Variants in PJA2 observed in about 807,000 individuals in gnomAD.
The protein encoded by PJA2 is praja ring finger ubiquitin ligase 2.
A neutral mutation model predicts 69.3 loss-of-function variants in PJA2; 25 were observed. The ratio of observed to expected loss-of-function variants is 0.36; its 90% CI spans 0.26 to 0.50. The LOEUF is 0.50. Among genes scored for constraint, PJA2 ranks in the 20% least tolerant of loss-of-function variants. The pLI is 0.96. For synonymous variants in PJA2, 308 were observed against 277.8 expected (o/e 1.11, Z -1.08); for missense variants, 809 against 830.2 (o/e 0.97, Z 0.31).
At chr5:109,342,522 TG>T (rs751889054) in intron 9 of PJA2, among the ~76,000 whole-genome samples, 1 of 52,592 alleles carries the variant, frequency 1.9e-5, no homozygotes, top group South Asian at 5.8e-4. Flanking sequence ...GGGAGGGAGG[TG>T]GGGGGGGTCA....
At chr5:109,340,992 A>G (rs1482813562) in intron 9 of PJA2, among the ~76,000 whole-genome samples, 1 of 140,076 alleles carries the variant, frequency 7.1e-6, no homozygotes, top group Non-Finnish European at 1.6e-5. Flanking sequence ...GCTCACTACA[A>G]CCTACACCTC....
At chr5:109,366,004 A>C (rs1027701960) in intron 5 of PJA2, among the ~76,000 whole-genome samples, 1 of 152,192 alleles carries the variant, frequency 6.6e-6, no homozygotes, top group Non-Finnish European at 1.5e-5. Context: ...TTGAAAATGT[A>C]CTAATTTATT....
chr5:109,394,834 T>G (rs1431666265), intron 1 of PJA2, among the ~76,000 whole-genome samples: 1 of 152,196 alleles, frequency 6.6e-6, no homozygotes, highest in Non-Finnish European at 1.5e-5. Flanking sequence ...AATTTCTGTT[T>G]CTAACAGTAT....
chr5:109,383,562 A>G (rs1385928036), intron 1 of PJA2, 42 bp from the exon 2 acceptor site: 15 of 700,290 alleles, frequency 2.1e-5, no homozygotes, highest in Non-Finnish European at 2.8e-5. Context: ...TAATAAAAGC[A>G]CAAAAATAGC....
At chr5:109,377,187 C>T (rs1030383118) in intron 4 of PJA2, among the ~76,000 whole-genome samples, 6 of 151,710 alleles carry the variant, frequency 4.0e-5, no homozygotes, top group African/African-American at 1.5e-4. Flanking sequence ...TTCATATGTC[C>T]AAAGAAAATC....
chr5:109,395,788 C>T (rs1401355369), intron 1 of PJA2, among the ~76,000 whole-genome samples: 1 of 152,064 alleles, frequency 6.6e-6, no homozygotes, highest in Non-Finnish European at 1.5e-5. Flanking sequence ...CACATGAGGT[C>T]AGGAGTTCAA....
At position 109,348,135 on chromosome 5, in the gene PJA2, A is replaced by C. The variant is rs189705555; in HGVS notation, c.1765-3316T>G. Among the ~76,000 whole-genome samples the C allele has an allele frequency of 5.9e-5, 9 of 152,310 alleles. No homozygotes were observed. The East Asian group carries it at 1.5e-3, about 26-fold the overall frequency. ...TTGACAGTGATGAAGATCCAACTGA[A>C]GCATGTGTCTTGAAAGCCCAGATAG... On this transcript the variant is annotated intron_variant, in intron 7 of 9. Transcript: ENST00000361189.
intron 1 of PJA2, among the ~76,000 whole-genome samples, chr5:109,405,666 T>C (rs977682631): frequency 1.3e-5 from 2 of 152,190 alleles, no homozygotes; most frequent in Admixed American, 6.5e-5. Context: ...CAAATGGTGC[T>C]AGAACTACAT....
intron 9 of PJA2, among the ~76,000 whole-genome samples, chr5:109,342,128 GC>G (rs1762078957): frequency 8.2e-6 from 1 of 121,648 alleles, no homozygotes; most frequent in Non-Finnish European, 1.8e-5. Flanking sequence ...CCGGCCAGCC[GC>G]CCCGTCCGGG....
intron 1 of PJA2, among the ~76,000 whole-genome samples, chr5:109,401,389 G>A (rs1377459896): frequency 1.6e-4 from 24 of 152,084 alleles, no homozygotes; most frequent in Non-Finnish European, 1.5e-5. Flanking sequence ...GAGTCTAGAA[G>A]CTCAAGGCTA....
intron 8 of PJA2, among the ~76,000 whole-genome samples, 168 bp downstream of exon 8, chr5:109,344,537 A>G (rs1762142178): frequency 6.6e-6 from 1 of 152,254 alleles, no homozygotes. Flanking sequence ...TATCGCTTGA[A>G]AATTAAAAAT....
At chr5:109,408,493 G>A (rs1747746621) in intron 1 of PJA2, among the ~76,000 whole-genome samples, 1 of 152,004 alleles carries the variant, frequency 6.6e-6, no homozygotes, top group Non-Finnish European at 1.5e-5. Flanking sequence ...AAGTCAATAA[G>A]CAAGCGGTAT....
chr5:109,381,259 G>A (rs554584391), intron 3 of PJA2, among the ~76,000 whole-genome samples: 18 of 152,156 alleles, frequency 1.2e-4, no homozygotes, highest in African/African-American at 3.1e-4. Context: ...TTATGACAAC[G>A]TAATCACTAC....
chr5:109,342,177 G>A (rs1457075326), intron 9 of PJA2, among the ~76,000 whole-genome samples: 117 of 80,712 alleles, frequency 1.4e-3, no homozygotes, highest in African/African-American at 2.3e-3. Flanking sequence ...CCGGCCAGCC[G>A]CCCCGTCCGG....
chr5:109,379,953 T>C (rs1260905448), intron 3 of PJA2, among the ~76,000 whole-genome samples: 1 of 151,948 alleles, frequency 6.6e-6, no homozygotes, highest in Non-Finnish European at 1.5e-5. Context: ...CATAACTATC[T>C]TGCATCACCA....
At chr5:109,399,009 C>T (rs1174076111) in intron 1 of PJA2, among the ~76,000 whole-genome samples, 1 of 151,902 alleles carries the variant, frequency 6.6e-6, no homozygotes, top group African/African-American at 2.4e-5. Context: ...GTCAGGAGTT[C>T]GAGACCAGCC....
At chr5:109,382,500 G>A (rs1747073152) in intron 2 of PJA2, among the ~76,000 whole-genome samples, 1 of 152,108 alleles carries the variant, frequency 6.6e-6, no homozygotes, top group African/African-American at 2.4e-5. Context: ...TACATTACAT[G>A]TACTACACAG....
chr5:109,348,152 C>T lies in PJA2; in HGVS notation c.1765-3333G>A, dbSNP rs532496504. On this transcript the variant is annotated intron_variant, in intron 7 of 9. Coordinates refer to ENST00000361189, the MANE Select transcript of PJA2 (RefSeq NM_014819.5). ...CCAACTGAAGCATGTGTCTTGAAAG[C>T]CCAGATAGCTCCTATACTTGATCTT... is the stretch of plus-strand genomic sequence containing the variant. Among the ~76,000 whole-genome samples the T allele has an allele frequency of 3.2e-4, 49 of 152,246 alleles. 2 individuals are homozygous for T. The South Asian group carries it at 9.7e-3, about 30-fold the overall frequency.
At chr5:109,345,771 C>T (rs1444275179) in intron 7 of PJA2, among the ~76,000 whole-genome samples, 1 of 152,128 alleles carries the variant, frequency 6.6e-6, no homozygotes, top group Non-Finnish European at 1.5e-5. Flanking sequence ...ATTTGGCGCA[C>T]CCACATTACC....
Sources: allele counts gnomAD v4.1 joint callset (sites outside exome capture counted in the v4.1 genomes callset), GRCh38; gene constraint gnomAD v4.1.1; transcripts MANE v1.5; gene names NCBI Gene and HGNC (gene_info 2026-07-23, HGNC 2026-07-21).